ZSCAN5A: variants seen among roughly 807,000 people sequenced by gnomAD.
The protein encoded by ZSCAN5A is zinc finger and SCAN domain-containing protein 5A.
ZSCAN5A carries 12 observed loss-of-function variants against 23.7 expected under a neutral mutation model. That is an observed-to-expected ratio of 0.51 (90% CI 0.32 to 0.82). The LOEUF (loss-of-function observed/expected upper bound fraction) is 0.82. ZSCAN5A is among the 40% of genes least tolerant of loss of function. The pLI is 0.03. For missense variants in ZSCAN5A, 597 were observed against 617.9 expected (o/e 0.97, Z 0.36); for synonymous variants, 257 against 239.9 (o/e 1.07, Z -0.66).
chr19:56,342,487 C>T (rs2041600538), intron 2 of ZSCAN5A: 1 of 400,136 alleles, frequency 2.5e-6, no homozygotes, highest in Non-Finnish European at 5.1e-6. Flanking sequence ...TCTGTGTGGG[C>T]TGGAACAGTA....
intron 2 of ZSCAN5A, chr19:56,321,562 C>G: frequency 1.3e-6 from 1 of 762,850 alleles, no homozygotes; most frequent in Non-Finnish European, 2.4e-6. Context: ...TAAGCAAGCT[C>G]ACTACCTCCC....
chr19:56,234,543 C>T (rs148832335), intron 2 of ZSCAN5A, among the ~76,000 whole-genome samples: 2 of 151,642 alleles, frequency 1.3e-5, no homozygotes, highest in East Asian at 3.9e-4. Flanking sequence ...GGCAGCCCGG[C>T]GCCAGGCCCG....
At chr19:56,281,371 T>C (rs1251619116) in intron 2 of ZSCAN5A, among the ~76,000 whole-genome samples, 1 of 152,090 alleles carries the variant, frequency 6.6e-6, no homozygotes, top group African/African-American at 2.4e-5. Flanking sequence ...TGTACACATA[T>C]ACATTTACAT....
intron 2 of ZSCAN5A, among the ~76,000 whole-genome samples, chr19:56,311,415 A>T (rs1205618286): frequency 6.6e-6 from 1 of 152,226 alleles, no homozygotes; most frequent in African/African-American, 2.4e-5. Flanking sequence ...AATAAAATCC[A>T]TTAGAATGAA....
intron 2 of ZSCAN5A, among the ~76,000 whole-genome samples, chr19:56,277,451 C>G (rs997732885): frequency 2.0e-5 from 3 of 151,274 alleles, no homozygotes; most frequent in African/African-American, 7.3e-5. Flanking sequence ...CACATATTAC[C>G]TGATTCCGTT....
At chr19:56,305,255 CCT>C (rs35368637) in intron 2 of ZSCAN5A, among the ~76,000 whole-genome samples, 10,884 of 152,182 alleles carry the variant, frequency 0.072, 586 homozygotes, top group East Asian at 0.24. Flanking sequence ...GTCTCTTCCC[CCT>C]GTTCCTGGCA....
chr19:56,318,407 A>G (rs1390422219), upstream of ZSCAN5A, among the ~76,000 whole-genome samples: 4 of 152,222 alleles, frequency 2.6e-5, no homozygotes, highest in South Asian at 6.2e-4. Context: ...TATAAAAATG[A>G]CAACCCAGCC....
At chr19:56,323,463 TG>T (rs2041400723) in intron 2 of ZSCAN5A, among the ~76,000 whole-genome samples, 1 of 150,796 alleles carries the variant, frequency 6.6e-6, no homozygotes, top group Non-Finnish European at 1.5e-5. Flanking sequence ...TGTGAGCTAC[TG>T]TGCCTGGCAA....
chr19:56,320,159 T>C, intron 2 of ZSCAN5A: 1 of 723,570 alleles, frequency 1.4e-6, no homozygotes, highest in East Asian at 2.6e-5. Flanking sequence ...TTTCATAATA[T>C]AGAAACTTCC....
At chr19:56,267,344 T>C (rs895130101) in intron 2 of ZSCAN5A, among the ~76,000 whole-genome samples, 1 of 152,042 alleles carries the variant, frequency 6.6e-6, no homozygotes, top group Non-Finnish European at 1.5e-5. Flanking sequence ...TTTACACATA[T>C]GGCTCTGTCA....
intron 2 of ZSCAN5A, chr19:56,343,247 C>A: frequency 1.2e-6 from 1 of 834,466 alleles, no homozygotes; most frequent in Non-Finnish European, 1.9e-6. Flanking sequence ...TCCTTGGCAA[C>A]CCCCTTCAGT....
intron 2 of ZSCAN5A, among the ~76,000 whole-genome samples, chr19:56,292,977 T>C (rs1568709161): frequency 6.6e-6 from 1 of 152,178 alleles, no homozygotes; most frequent in Admixed American, 6.5e-5. Flanking sequence ...TGATTGAATT[T>C]TGGGTTGATT....
At chr19:56,363,300 T>G (rs573316719) in exon 2 of ZSCAN5A, 2 of 152,410 alleles carry the variant, frequency 1.3e-5, no homozygotes, top group East Asian at 1.9e-4. Flanking sequence ...CTACTTCTCT[T>G]TTTCTCTTCT....
intron 4 of ZSCAN5A, 96 bp downstream of exon 4, chr19:56,223,535 T>C: frequency 7.7e-7 from 1 of 1,294,274 alleles, no homozygotes; most frequent in African/African-American, 1.5e-5. Flanking sequence ...TCTAATCTTG[T>C]CCTGTGTCAA....
intron 2 of ZSCAN5A, among the ~76,000 whole-genome samples, chr19:56,290,484 A>C (rs2039439411): frequency 6.6e-6 from 1 of 152,164 alleles, no homozygotes; most frequent in South Asian, 2.1e-4. Context: ...GTTTAAAATT[A>C]GGGCCTAGGA....
chr19:56,304,377 T>A (rs766633980), intron 2 of ZSCAN5A, among the ~76,000 whole-genome samples: 2 of 152,216 alleles, frequency 1.3e-5, no homozygotes, highest in Non-Finnish European at 2.9e-5. Flanking sequence ...CTCAGCAGTG[T>A]CTGGACCACA....
At chr19:56,270,672 CATAA>C (rs1404466631) in intron 2 of ZSCAN5A, among the ~76,000 whole-genome samples, 1 of 149,800 alleles carries the variant, frequency 6.7e-6, no homozygotes, top group Non-Finnish European at 1.5e-5. Context: ...TAAACTTGAA[CATAA>C]ATAAGTTATA....
intron 2 of ZSCAN5A, among the ~76,000 whole-genome samples, chr19:56,240,390 G>T (rs1459696963): frequency 1.3e-5 from 2 of 152,130 alleles, no homozygotes; most frequent in African/African-American, 4.8e-5. Context: ...GGATTACGTG[G>T]CCCTAAACCA....
Position 56,351,819 on chromosome 19 carries a change from C to T in ZSCAN5A, c.-358+11416G>A, listed in dbSNP as rs1023378573. 3.3e-5 allele frequency among the ~76,000 whole-genome samples: 5 copies of T among 152,112 alleles called. No homozygotes were observed. Among genetic ancestry groups the T allele is most frequent in the Admixed American group, 1.3e-4 (2 of 15,274 alleles). On this transcript the variant is annotated intron_variant, in intron 2 of 6. Coordinates refer to the ZSCAN5A transcript ENST00000587340. The surrounding 1 kb of genome is among the most constrained non-coding windows in gnomAD (Gnocchi z 4.8). ...TGCCGCTAAGATTGCACAGGTGCAG[C>T]GAATACGAACCTGGGAAGACTGTGG...
Sources: allele counts gnomAD v4.1 joint callset (sites outside exome capture counted in the v4.1 genomes callset), GRCh38; gene constraint gnomAD v4.1.1; non-coding constraint Gnocchi (gnomAD v3.1); transcripts MANE v1.5; gene names NCBI Gene and HGNC (gene_info 2026-07-23, HGNC 2026-07-21).